PRKCB: variants seen among roughly 807,000 people sequenced by gnomAD.
PRKCB encodes the protein protein kinase C beta type.
Under a neutral mutation model 81.5 loss-of-function variants are expected in PRKCB, and 13 were observed. The observed-to-expected ratio is 0.16, with a 90% CI of 0.10 to 0.25. The LOEUF (loss-of-function observed/expected upper bound fraction) is 0.25, where lower values mean the gene tolerates loss of function less well. Ranked by LOEUF, PRKCB falls within the 10% of genes least tolerant of loss-of-function variation. The pLI is 1.00. For missense variants in PRKCB, 509 were observed against 875.7 expected (o/e 0.58, Z 5.29); for synonymous variants, 335 against 321.4 (o/e 1.04, Z -0.45).
chr16:23,918,506 C>T (rs780836833), intron 2 of PRKCB, among the ~76,000 whole-genome samples: 2 of 152,078 alleles, frequency 1.3e-5, no homozygotes, highest in African/African-American at 4.8e-5. Context: ...AAGAGATTCT[C>T]GTGCCTCAGC....
intron 12 of PRKCB, among the ~76,000 whole-genome samples, chr16:24,178,456 T>C (rs1248356361): frequency 6.6e-6 from 1 of 152,246 alleles, no homozygotes; most frequent in Non-Finnish European, 1.5e-5. Flanking sequence ...TTTTCTATAA[T>C]AGATGAAGAT....
intron 2 of PRKCB, among the ~76,000 whole-genome samples, chr16:23,954,337 C>T (rs1421591562): frequency 2.0e-5 from 3 of 152,142 alleles, no homozygotes; most frequent in African/African-American, 4.8e-5. Context: ...ATCTTTGTGA[C>T]CACCGGAGCT....
At chr16:23,920,431 A>G (rs1453929200) in intron 2 of PRKCB, among the ~76,000 whole-genome samples, 1 of 152,264 alleles carries the variant, frequency 6.6e-6, no homozygotes, top group East Asian at 1.9e-4. Flanking sequence ...TCTGCCCCCA[A>G]ATAACCTCCA....
intron 5 of PRKCB, among the ~76,000 whole-genome samples, chr16:24,087,992 G>A (rs762196841): frequency 6.6e-6 from 1 of 152,176 alleles, no homozygotes; most frequent in Non-Finnish European, 1.5e-5. Context: ...TTTCTGCTCT[G>A]TGTGAAGCAT....
intron 2 of PRKCB, among the ~76,000 whole-genome samples, chr16:23,945,884 A>G (rs1964199130): frequency 6.6e-6 from 1 of 152,186 alleles, no homozygotes; most frequent in Non-Finnish European, 1.5e-5. Context: ...AGAGTAGGGA[A>G]GAGATCCACG....
intron 2 of PRKCB, among the ~76,000 whole-genome samples, chr16:23,877,589 C>A (rs1283809775): frequency 6.6e-6 from 1 of 152,130 alleles, no homozygotes; most frequent in Non-Finnish European, 1.5e-5. Context: ...AATGGCATGC[C>A]GCACTGTCAA....
At chr16:24,085,936 C>T (rs932449541) in intron 5 of PRKCB, among the ~76,000 whole-genome samples, 4 of 152,190 alleles carry the variant, frequency 2.6e-5, no homozygotes, top group Non-Finnish European at 5.9e-5. Context: ...GTACCACTGC[C>T]AGCAATGATG....
At chr16:23,845,236 C>T (rs1962347529) in intron 2 of PRKCB, among the ~76,000 whole-genome samples, 1 of 152,136 alleles carries the variant, frequency 6.6e-6, no homozygotes, top group Admixed American at 6.5e-5. Flanking sequence ...ATAAGACATT[C>T]TACAGATCAT....
Position 23,840,385 on chromosome 16 carries a change from C to T in PRKCB, c.205+2979C>T, listed in dbSNP as rs569565415. ...CTCATGGTCCAAAAAGGATGCTAGACGCTGGAGTCCTCACACCCTTCTTTC... is the reference window on the plus strand; with the variant it reads ...CTCATGGTCCAAAAAGGATGCTAGATGCTGGAGTCCTCACACCCTTCTTTC... On this transcript the variant is annotated intron_variant, in intron 2 of 16. Transcript: ENST00000643927. Among the ~76,000 whole-genome samples the T allele has an allele frequency of 3.9e-5, 6 of 152,206 alleles. No homozygotes were observed. In the South Asian group the frequency reaches 1.0e-3, roughly 26 times the overall value.
chr16:23,994,030 T>G (rs1424462235), intron 3 of PRKCB, among the ~76,000 whole-genome samples: 2 of 152,226 alleles, frequency 1.3e-5, no homozygotes, highest in African/African-American at 4.8e-5. Context: ...TAAAATTTCC[T>G]TGAGAAAGCG....
intron 2 of PRKCB, among the ~76,000 whole-genome samples, chr16:23,982,157 CTTCCCTTTCCCTTCCCT>C (rs1567334059): frequency 1.5e-3 from 61 of 41,242 alleles, no homozygotes; most frequent in Non-Finnish European, 2.2e-3. Flanking sequence ...TTCCCTTCCC[CTTCCCTTTCCCTTCCCT>C]TTCCCTTTCC....
chr16:24,168,164 A>G (rs1244451958), intron 10 of PRKCB, among the ~76,000 whole-genome samples: 1 of 152,248 alleles, frequency 6.6e-6, no homozygotes, highest in Non-Finnish European at 1.5e-5. Context: ...GACACTCTAC[A>G]CATGTGTCCT....
At chr16:23,902,700 G>A (rs773959678) in intron 2 of PRKCB, among the ~76,000 whole-genome samples, 1 of 132,852 alleles carries the variant, frequency 7.5e-6, no homozygotes, top group African/African-American at 2.8e-5. Flanking sequence ...TTCAGGAACT[G>A]AGCTCAAAAG....
chr16:23,857,641 G>A (rs961273177), intron 2 of PRKCB, among the ~76,000 whole-genome samples: 4 of 152,098 alleles, frequency 2.6e-5, no homozygotes, highest in African/African-American at 9.7e-5. Flanking sequence ...CAGATGGGAC[G>A]AAAAGTCAAG....
chr16:24,018,230 A>C (rs1965311314), intron 3 of PRKCB, among the ~76,000 whole-genome samples: 1 of 151,946 alleles, frequency 6.6e-6, no homozygotes, highest in African/African-American at 2.4e-5. Context: ...TGTTTTGTAG[A>C]GATAGAGACA....
intron 2 of PRKCB, among the ~76,000 whole-genome samples, chr16:23,861,231 C>T (rs996249539): frequency 3.3e-5 from 5 of 151,792 alleles, no homozygotes; most frequent in Non-Finnish European, 7.4e-5. Flanking sequence ...TGCAGTGGCA[C>T]AAACACAGCT....
Position 24,219,887 on chromosome 16 carries a change from C to G in PRKCB, c.*5071C>G, listed in dbSNP as rs1267229251. 3.2e-6 allele frequency: 5 copies of G among 1,544,418 alleles called. No homozygotes were observed. Among genetic ancestry groups the G allele is most frequent in the Non-Finnish European group, 4.4e-6 (5 of 1,142,596 alleles). On this transcript the variant is annotated 3_prime_UTR_variant, in exon 17 of 17. Transcript: ENST00000643927. ...CTGCTCATGAGATGGTATCAGCCAC[C>G]CAATGACTGGCGTATCTTGGTCCTG...
intron 2 of PRKCB, among the ~76,000 whole-genome samples, chr16:23,928,389 A>G (rs1301898501): frequency 6.6e-6 from 1 of 152,028 alleles, no homozygotes. Flanking sequence ...TGGCCTCCCA[A>G]AGTGCTGGGA....
At chr16:23,990,058 A>G (rs556912041) in intron 3 of PRKCB, among the ~76,000 whole-genome samples, 5 of 152,166 alleles carry the variant, frequency 3.3e-5, no homozygotes, top group Non-Finnish European at 5.9e-5. Flanking sequence ...CATCCTGAGC[A>G]TGGCAGAGTG....
Sources: allele counts gnomAD v4.1 joint callset (sites outside exome capture counted in the v4.1 genomes callset), GRCh38; gene constraint gnomAD v4.1.1; transcripts MANE v1.5; gene names NCBI Gene and HGNC (gene_info 2026-07-23, HGNC 2026-07-21).